Variants in TRIM5 observed in about 807,000 individuals in gnomAD.
The protein encoded by TRIM5 is tripartite motif containing 5, also known as tripartite motif-containing protein 5.
Under a neutral mutation model 35.6 loss-of-function variants are expected in TRIM5, and 31 were observed. That is an observed-to-expected ratio of 0.87 (90% CI 0.65 to 1.18). The LOEUF is 1.18. Among genes scored for constraint, TRIM5 ranks in the 50% most tolerant of loss-of-function variants. TRIM5 has a pLI of 0.00. For synonymous variants in TRIM5, 243 were observed against 215.6 expected, an observed-to-expected ratio of 1.13 and a Z score of -1.11; for missense variants, 609 against 591.6, an observed-to-expected ratio of 1.03 and a Z score of -0.31.
the TRIM5 span, chr11:5,634,015 G>C: frequency 1.1e-5 from 12 of 1,107,798 alleles, no homozygotes; most frequent in Middle Eastern, 6.1e-4. Context: ...CATTTGATTA[G>C]TTCTCTTCTC....
At chr11:5,630,178 C>T in the TRIM5 span, among the ~76,000 whole-genome samples, 3 of 151,984 alleles carry the variant, frequency 2.0e-5, no homozygotes, top group Admixed American at 6.6e-5. Flanking sequence ...AATCCTCTTA[C>T]GGAAAATGAG....
the TRIM5 span, among the ~76,000 whole-genome samples, chr11:5,594,890 C>T: frequency 6.6e-6 from 1 of 152,116 alleles, no homozygotes; most frequent in Non-Finnish European, 1.5e-5. Flanking sequence ...AGAGCATAAG[C>T]AGGCTTTGAC....
At chr11:5,621,889 T>G in the TRIM5 span, among the ~76,000 whole-genome samples, 1 of 152,148 alleles carries the variant, frequency 6.6e-6, no homozygotes, top group Non-Finnish European at 1.5e-5. Flanking sequence ...ATCTCACATT[T>G]ATTGATTGAT....
chr11:5,664,734 G>A lies in TRIM5; in HGVS notation c.*75C>T. 6.7e-7 allele frequency: 1 copy of A among 1,496,584 alleles called. No individual in the cohort carries two copies. Among genetic ancestry groups the A allele is most frequent in the Non-Finnish European group, 8.9e-7 (1 of 1,126,992 alleles). 92.7% of individuals were successfully genotyped at this position (1,496,584 alleles called of 1,614,324 possible). On this transcript the variant is annotated 3_prime_UTR_variant, in exon 8 of 8. Transcript: ENST00000380034. ...GCAAGGAAAAGATGGTTAAAATGAT[G>A]CAAATGAGTTCAGGTGTATGAGATG... is the stretch of plus-strand genomic sequence containing the variant.
chr11:5,610,133 T>C, the TRIM5 span: 1 of 1,613,810 alleles, frequency 6.2e-7, no homozygotes, highest in Admixed American at 1.7e-5. Flanking sequence ...TCAGAAGTCC[T>C]GTCCTTTCTA....
At chr11:5,678,751 T>C (rs768863740) in intron 3 of TRIM5, among the ~76,000 whole-genome samples, 2 of 152,176 alleles carry the variant, frequency 1.3e-5, no homozygotes, top group Non-Finnish European at 2.9e-5. Flanking sequence ...CTGCCAAAAG[T>C]TGAACACTGA....
At position 5,678,336 on chromosome 11, in the gene TRIM5, C is replaced by T; in HGVS notation, c.612G>A (p.Glu204=). Residue 204 remains glutamate, a synonymous_variant, in exon 4 of 8, where the codon GAG becomes GAA. Coordinates refer to ENST00000380034, the MANE Select transcript of TRIM5 (RefSeq NM_033034.3). ...WEESNELQNL[E]KEEEDILKSL... The stretch of plus-strand genomic sequence containing the variant: ...TTTTCAGAATGTCTTCCTCCTCCTT[C>T]TCCAGGTTTTGCAGCTCATTGCTCT... 6.2e-7 allele frequency: 1 copy of T among 1,613,982 alleles called. No individual in the cohort carries two copies. The highest frequency in any genetic ancestry group is 1.1e-5 in the South Asian group (1 of 91,056).
At chr11:5,683,729 G>C (rs184951218) in intron 1 of TRIM5, among the ~76,000 whole-genome samples, 32 of 152,250 alleles carry the variant, frequency 2.1e-4, no homozygotes, top group African/African-American at 6.5e-4. Flanking sequence ...GAACTTTTGT[G>C]TCTAGCTCAG....
At chr11:5,659,750 A>G (rs1380628798), downstream of TRIM5, among the ~76,000 whole-genome samples, 3 of 148,774 alleles carry the variant, frequency 2.0e-5, no homozygotes, top group Non-Finnish European at 3.0e-5. Flanking sequence ...AATTCTCTGA[A>G]GCCTTTTTTT....
the TRIM5 span, among the ~76,000 whole-genome samples, chr11:5,599,618 T>C: frequency 1.3e-5 from 2 of 152,116 alleles, no homozygotes; most frequent in East Asian, 3.9e-4. Context: ...TTAGCCAGGA[T>C]GGTCTCGATC....
the TRIM5 span, chr11:5,605,259 C>T: frequency 1.3e-6 from 2 of 1,599,906 alleles, no homozygotes; most frequent in Admixed American, 1.7e-5. Context: ...CAGTCCTGAG[C>T]CCAACTTCCC....
At chr11:5,610,236 G>A in the TRIM5 span, 3 of 1,614,150 alleles carry the variant, frequency 1.9e-6, no homozygotes, top group Non-Finnish European at 2.5e-6. Flanking sequence ...GATGCTGCGA[G>A]TGTGTAGAGG....
chr11:5,639,542 T>C, the TRIM5 span, among the ~76,000 whole-genome samples: 1 of 151,454 alleles, frequency 6.6e-6, no homozygotes, highest in Non-Finnish European at 1.5e-5. Context: ...TAGCCGGGCA[T>C]GGTGGCACGT....
chr11:5,649,810 C>A, the TRIM5 span, among the ~76,000 whole-genome samples: 1 of 152,120 alleles, frequency 6.6e-6, no homozygotes, highest in African/African-American at 2.4e-5. Context: ...GAATCCTAGT[C>A]ATGGGAAAAA....
At chr11:5,600,876 T>C in the TRIM5 span, among the ~76,000 whole-genome samples, 1 of 152,078 alleles carries the variant, frequency 6.6e-6, no homozygotes, top group East Asian at 1.9e-4. Flanking sequence ...CAAACACAAC[T>C]CCAGGTAGAC....
the TRIM5 span, chr11:5,603,508 GGGAA>G: frequency 1.9e-5 from 31 of 1,614,024 alleles, no homozygotes; most frequent in Non-Finnish European, 2.5e-5. Context: ...CTACCAGCCA[GGGAA>G]CCTGCGGCCT....
the TRIM5 span, chr11:5,589,863 G>T: frequency 6.2e-3 from 958 of 153,300 alleles, 9 homozygotes; most frequent in South Asian, 0.014. Context: ...CCCTCAGCTT[G>T]CAGGGAGGTG....
At chr11:5,604,977 G>A in the TRIM5 span, among the ~76,000 whole-genome samples, 2 of 152,126 alleles carry the variant, frequency 1.3e-5, no homozygotes, top group Non-Finnish European at 2.9e-5. Context: ...TTGTGAAGAA[G>A]CCCAGATCTG....
At chr11:5,666,536 G>T (rs938786140) in intron 5 of TRIM5, among the ~76,000 whole-genome samples, 1 of 152,212 alleles carries the variant, frequency 6.6e-6, no homozygotes, top group Non-Finnish European at 1.5e-5. Context: ...GCTCCTGGGT[G>T]TTTGACACAT....
Sources: allele counts gnomAD v4.1 joint callset (sites outside exome capture counted in the v4.1 genomes callset), GRCh38; gene constraint gnomAD v4.1.1; transcripts MANE v1.5; gene names NCBI Gene and HGNC (gene_info 2026-07-23, HGNC 2026-07-21).